The following NAV3 variants were observed in gnomAD, a reference collection of about 807,000 sequenced individuals.
NAV3 encodes neuron navigator 3, also known as pore membrane and/or filament interacting like protein 1.
Under a neutral mutation model 244.7 loss-of-function variants are expected in NAV3, and 87 were observed. The ratio of observed to expected loss-of-function variants is 0.36; its 90% CI spans 0.30 to 0.42. The LOEUF (loss-of-function observed/expected upper bound fraction) is 0.42. Ranked by LOEUF, NAV3 falls within the 20% of genes least tolerant of loss-of-function variation. The pLI, the probability that NAV3 is intolerant of heterozygous loss-of-function variation, is 1.00. For missense variants in NAV3, 2,663 were observed against 2,893.3 expected, an observed-to-expected ratio of 0.92 and a Z score of 1.83; for synonymous variants, 1,126 against 1,042.2, an observed-to-expected ratio of 1.08 and a Z score of -1.55.
At chr12:77,790,186 G>A (rs983045497) in intron 2 of NAV3, among the ~76,000 whole-genome samples, 2 of 152,090 alleles carry the variant, frequency 1.3e-5, no homozygotes, top group Admixed American at 6.5e-5. Flanking sequence ...ATTTTAAAAA[G>A]CAACAAATTT....
chr12:77,920,341 A>T (rs1887585439), intron 1 of NAV3, among the ~76,000 whole-genome samples: 1 of 152,020 alleles, frequency 6.6e-6, no homozygotes, highest in African/African-American at 2.4e-5. Context: ...TATCAAAATT[A>T]ACCAGTTTTA....
chr12:77,849,924 CT>C (rs1263104825), intron 1 of NAV3, among the ~76,000 whole-genome samples: 2 of 152,128 alleles, frequency 1.3e-5, no homozygotes. Flanking sequence ...CAAGTGTCTC[CT>C]TTTTGTACCT....
intron 2 of NAV3, among the ~76,000 whole-genome samples, chr12:77,681,711 T>G (rs943873937): frequency 1.3e-5 from 2 of 152,174 alleles, no homozygotes; most frequent in African/African-American, 4.8e-5. Context: ...AAATCTTAAG[T>G]GTATGCTTTG....
chr12:77,762,261 C>A (rs1013750678), intron 2 of NAV3, among the ~76,000 whole-genome samples: 1 of 151,958 alleles, frequency 6.6e-6, no homozygotes, highest in South Asian at 2.1e-4. Context: ...GGGAACATCA[C>A]ACATCGGGGC....
chr12:77,930,749 C>T (rs1231117154), intron 1 of NAV3, among the ~76,000 whole-genome samples: 2 of 152,028 alleles, frequency 1.3e-5, no homozygotes, highest in Non-Finnish European at 2.9e-5. Context: ...ATATTTTTTT[C>T]TCTTAGAATG....
At chr12:77,960,133 C>G (rs956769677) in intron 3 of NAV3, among the ~76,000 whole-genome samples, 1 of 151,820 alleles carries the variant, frequency 6.6e-6, no homozygotes, top group African/African-American at 2.4e-5. Flanking sequence ...CTCCCACCAG[C>G]AGACATGAGT....
At chr12:77,696,907 A>T (rs896570785) in intron 2 of NAV3, among the ~76,000 whole-genome samples, 1 of 152,154 alleles carries the variant, frequency 6.6e-6, no homozygotes, top group African/African-American at 2.4e-5. Flanking sequence ...ATCTACTGCC[A>T]GTTCAAAATC....
At chr12:78,092,108 T>A (rs920500946) in intron 12 of NAV3, among the ~76,000 whole-genome samples, 11 of 152,194 alleles carry the variant, frequency 7.2e-5, no homozygotes, top group African/African-American at 2.4e-4. Context: ...AGATTTCATA[T>A]AACCTAGAAT....
rs1019882154 is a variant in NAV3 at position 78,127,878 on chromosome 12, C to T, written c.4280+670C>T. On this transcript the variant is annotated intron_variant, in intron 17 of 39. Transcript: ENST00000397909. ...AATAATCTCAAAATAATTATTCCAT[C>T]CATAATAAAAAATAAAATAAAAATT... 3.9e-5 allele frequency among the ~76,000 whole-genome samples: 6 copies of T among 151,942 alleles called. No homozygotes were observed. In the South Asian group the frequency reaches 1.2e-3, roughly 31 times the overall value.
intron 34 of NAV3, among the ~76,000 whole-genome samples, chr12:78,190,933 T>C (rs950827398): frequency 2.0e-5 from 3 of 152,158 alleles, no homozygotes; most frequent in African/African-American, 7.2e-5. Context: ...AACACTAACC[T>C]AGTTTTACCT....
At chr12:77,590,123 A>G (rs1869838388) in intron 2 of NAV3, among the ~76,000 whole-genome samples, 1 of 152,218 alleles carries the variant, frequency 6.6e-6, no homozygotes, top group Non-Finnish European at 1.5e-5. Context: ...TGTATAGATT[A>G]GAGTCATCTT....
chr12:78,025,211 A>C (rs1430257052), intron 9 of NAV3, among the ~76,000 whole-genome samples: 1 of 152,110 alleles, frequency 6.6e-6, no homozygotes, highest in Admixed American at 6.6e-5. Flanking sequence ...ATTTCACCTC[A>C]CAGCAGCTAT....
At chr12:78,094,764 C>G (rs533485042) in intron 12 of NAV3, among the ~76,000 whole-genome samples, 70 of 151,938 alleles carry the variant, frequency 4.6e-4, no homozygotes, top group Non-Finnish European at 8.2e-4. Flanking sequence ...TATTTCTTGG[C>G]TTGGCCAGGC....
chr12:78,102,586 G>A lies in NAV3; in HGVS notation c.2637-14186G>A, dbSNP rs1013127973. The stretch of plus-strand genomic sequence containing the variant: ...GTGCTCCAGTAGAGACTCTGTGGGG[G>A]CTCTGACCCCAGATTTCCCTCCTGC... On this transcript the variant is annotated intron_variant, in intron 12 of 39. Transcript: ENST00000397909. Among the ~76,000 whole-genome samples the A allele has an allele frequency of 2.6e-5, 4 of 152,184 alleles. No individual in the cohort carries two copies. In the East Asian group the frequency reaches 7.7e-4, roughly 29 times the overall value.
chr12:77,772,579 TTA>T (rs1222707623), intron 2 of NAV3, among the ~76,000 whole-genome samples: 1 of 152,194 alleles, frequency 6.6e-6, no homozygotes, highest in African/African-American at 2.4e-5. Context: ...GTAAGGATTT[TTA>T]TATTTTTATA....
rs1397756018 is a variant in NAV3, at chr12:77,945,133, AT to A, written c.414+4001del. Among the ~76,000 whole-genome samples, 364 of 148,262 alleles carry A rather than the reference AT, an allele frequency of 2.5e-3. 3 individuals are homozygous for A. Among genetic ancestry groups the A allele is most frequent in the African/African-American group, 8.7e-3 (342 of 39,524 alleles). On this transcript the variant is annotated intron_variant, in intron 3 of 39. Coordinates refer to ENST00000397909, the MANE Select transcript of NAV3 (RefSeq NM_001024383.2). ...AGACACTGTTAGAGAAAAAAAAAAA[AT>A]AAATAGCTTGAGAAGAAGACAGAGT...
At chr12:77,919,129 G>A (rs558812323) in intron 1 of NAV3, among the ~76,000 whole-genome samples, 1 of 152,162 alleles carries the variant, frequency 6.6e-6, no homozygotes, top group Admixed American at 6.6e-5. Context: ...TAGGATTGGA[G>A]TGGGTATGGA....
intron 20 of NAV3, among the ~76,000 whole-genome samples, chr12:78,141,401 C>T (rs142857619): frequency 6.6e-6 from 1 of 152,120 alleles, no homozygotes. Context: ...AAGCAGCCTA[C>T]TGAATCTCAA....
intron 2 of NAV3, among the ~76,000 whole-genome samples, chr12:77,742,852 C>G (rs1868363829): frequency 6.6e-6 from 1 of 151,958 alleles, no homozygotes. Context: ...AGCCATTCAT[C>G]TCTCCAGTCA....
Sources: gnomAD v4.1 joint callset for allele counts (sites outside exome capture counted in the v4.1 genomes callset) on GRCh38, gnomAD v4.1.1 for gene constraint, MANE v1.5 for transcripts, NCBI Gene and HGNC (gene_info 2026-07-23, HGNC 2026-07-21) for gene names.